The following IL1RAPL2 variants were observed in gnomAD, a reference collection of about 807,000 sequenced individuals.
The protein encoded by IL1RAPL2 is X-linked interleukin-1 receptor accessory protein-like 2.
Under a neutral mutation model 44.1 loss-of-function variants are expected in IL1RAPL2, and 3 were observed. The ratio of observed to expected loss-of-function variants is 0.07; its 90% CI spans 0.03 to 0.18. The LOEUF (loss-of-function observed/expected upper bound fraction) is 0.18. Among genes scored for constraint, IL1RAPL2 ranks in the 10% least tolerant of loss-of-function variants. The pLI, the probability that IL1RAPL2 is intolerant of heterozygous loss-of-function variation, is 1.00. For synonymous variants in IL1RAPL2, 181 were observed against 178.8 expected (o/e 1.01, Z -0.10); for missense variants, 391 against 496.4 (o/e 0.79, Z 2.02).
intron 5 of IL1RAPL2, among the ~76,000 whole-genome samples, chrX:105,322,707 T>C (rs1057139695): frequency 1.8e-5 from 2 of 112,004 alleles, no homozygotes; most frequent in African/African-American, 6.5e-5. Flanking sequence ...TTTCGCCTCA[T>C]TGGGTCAGGC....
intron 2 of IL1RAPL2, among the ~76,000 whole-genome samples, chrX:104,829,565 T>C (rs1921553120): frequency 8.9e-6 from 1 of 112,543 alleles, no homozygotes; most frequent in Non-Finnish European, 1.9e-5. Flanking sequence ...GCCAGAGCTG[T>C]TCGTATTCGG....
chrX:104,589,615 A>G (rs1928626110), intron 1 of IL1RAPL2, among the ~76,000 whole-genome samples: 1 of 112,237 alleles, frequency 8.9e-6, no homozygotes, highest in African/African-American at 3.2e-5. Context: ...TTAATTATAT[A>G]TTTTTGCGAC....
intron 1 of IL1RAPL2, among the ~76,000 whole-genome samples, chrX:104,646,855 A>G (rs987915602): frequency 4.5e-5 from 5 of 111,736 alleles, no homozygotes; most frequent in African/African-American, 6.5e-5. Context: ...CATCAATCAC[A>G]ATGGGGCCAG....
intron 5 of IL1RAPL2, among the ~76,000 whole-genome samples, chrX:105,432,347 CA>C (rs1009562031): frequency 1.8e-5 from 2 of 108,767 alleles, no homozygotes; most frequent in African/African-American, 3.3e-5. Flanking sequence ...GTCTTGGGTC[CA>C]AAAAATGACT....
At chrX:105,562,383 A>C (rs2036944547) in intron 6 of IL1RAPL2, among the ~76,000 whole-genome samples, 1 of 110,892 alleles carries the variant, frequency 9.0e-6, no homozygotes, top group African/African-American at 3.3e-5. Context: ...TGTTCTCACC[A>C]CAGGGAAATG....
intron 6 of IL1RAPL2, among the ~76,000 whole-genome samples, chrX:105,497,552 A>G (rs2036364456): frequency 8.9e-6 from 1 of 111,938 alleles, no homozygotes; most frequent in South Asian, 3.7e-4. Context: ...CAGAAAATTG[A>G]CGAGGAGGGA....
At chrX:105,638,263 CT>C (rs1222603749) in intron 6 of IL1RAPL2, among the ~76,000 whole-genome samples, 2 of 109,459 alleles carry the variant, frequency 1.8e-5, no homozygotes, top group South Asian at 3.9e-4. Flanking sequence ...TTCTTCTTTT[CT>C]TTTTTTTTCT....
chrX:104,889,049 C>T (rs1227267739), intron 2 of IL1RAPL2, among the ~76,000 whole-genome samples: 2 of 111,399 alleles, frequency 1.8e-5, no homozygotes, highest in African/African-American at 3.3e-5. Context: ...CACCCCACAA[C>T]TTCAAGCCCC....
Position 105,316,329 on chromosome X carries a change from A to G in IL1RAPL2, c.697+48788A>G, listed in dbSNP as rs2147684595. On this transcript the variant is annotated intron_variant, in intron 5 of 10. Transcript: ENST00000372582. ...AATATAGCTGGTGATGGGCCATTAT[A>G]AAAAAATCTGCTTGCTAATCAATGA... is the stretch of plus-strand genomic sequence containing the variant. 1.8e-5 allele frequency among the ~76,000 whole-genome samples: 2 copies of G among 111,958 alleles called. 1 individual carries two copies. Among genetic ancestry groups the G allele is most frequent in the South Asian group, 7.5e-4 (2 of 2,676 alleles).
chrX:105,086,710 G>A (rs1403993742), intron 2 of IL1RAPL2, among the ~76,000 whole-genome samples: 1 of 109,415 alleles, frequency 9.1e-6, no homozygotes, highest in African/African-American at 3.3e-5. Flanking sequence ...ATATATGTGT[G>A]TGTGTGTGTG....
At position 104,853,685 on chromosome X, in the gene IL1RAPL2, C is replaced by T. The variant is rs1037181384; in HGVS notation, c.82+194690C>T. On this transcript the variant is annotated intron_variant, in intron 2 of 10. Coordinates refer to ENST00000372582, the MANE Select transcript of IL1RAPL2 (RefSeq NM_017416.2). Reference sequence around the variant, plus strand: ...TTGGGAGGCCGAGGCGGGCGGATCACGAGGTCAGGAGATCGAGACCATCCT... The same window carrying T: ...TTGGGAGGCCGAGGCGGGCGGATCATGAGGTCAGGAGATCGAGACCATCCT... 6.9e-4 allele frequency among the ~76,000 whole-genome samples: 75 copies of T among 109,086 alleles called. 1 individual carries two copies. The highest frequency in any genetic ancestry group is 2.0e-3 in the African/African-American group (59 of 30,026). The allele number at this position is 109,086 out of a possible 115,157, so 94.7% of individuals were successfully genotyped here.
intron 2 of IL1RAPL2, among the ~76,000 whole-genome samples, chrX:104,751,520 C>A (rs1932259185): frequency 9.0e-6 from 1 of 111,198 alleles, no homozygotes; most frequent in African/African-American, 3.3e-5. Context: ...AAGAAGTCCA[C>A]ATGGCAGACT....
At chrX:105,365,349 G>T (rs2035285975) in intron 5 of IL1RAPL2, among the ~76,000 whole-genome samples, 1 of 111,356 alleles carries the variant, frequency 9.0e-6, no homozygotes, top group Non-Finnish European at 1.9e-5. Context: ...AGGAATATTG[G>T]CCTGTAGTTT....
intron 2 of IL1RAPL2, among the ~76,000 whole-genome samples, chrX:105,100,019 A>G (rs1454416383): frequency 9.0e-6 from 1 of 111,554 alleles, no homozygotes; most frequent in African/African-American, 3.3e-5. Flanking sequence ...TTCATGGTAC[A>G]GTACAATAAG....
intron 2 of IL1RAPL2, among the ~76,000 whole-genome samples, chrX:104,868,780 A>G (rs1421548841): frequency 8.9e-6 from 1 of 112,007 alleles, no homozygotes; most frequent in African/African-American, 3.2e-5. Flanking sequence ...TGCCAAATAC[A>G]CAAGTCAACC....
At chrX:104,597,887 A>G (rs945877195) in intron 1 of IL1RAPL2, among the ~76,000 whole-genome samples, 1 of 111,985 alleles carries the variant, frequency 8.9e-6, no homozygotes, top group Non-Finnish European at 1.9e-5. Flanking sequence ...CAAATGAGAA[A>G]TGCATGGAGT....
chrX:105,633,355 A>G (rs902299139), intron 6 of IL1RAPL2, among the ~76,000 whole-genome samples: 8 of 111,828 alleles, frequency 7.2e-5, no homozygotes, highest in African/African-American at 2.3e-4. Flanking sequence ...TTTTTTCCCA[A>G]GGGAGATACA....
At chrX:105,548,577 T>G (rs964005643) in intron 6 of IL1RAPL2, among the ~76,000 whole-genome samples, 2 of 111,897 alleles carry the variant, frequency 1.8e-5, no homozygotes, top group Admixed American at 1.9e-4. Context: ...TTCTGGAGTT[T>G]TGTCATTTTA....
chrX:104,904,616 T>C (rs1569338737), intron 2 of IL1RAPL2, among the ~76,000 whole-genome samples: 1 of 109,969 alleles, frequency 9.1e-6, no homozygotes, highest in Non-Finnish European at 1.9e-5. Flanking sequence ...TCCATGTCCC[T>C]ACAAAGGACA....
Sources: gnomAD v4.1 joint callset for allele counts (sites outside exome capture counted in the v4.1 genomes callset) on GRCh38, gnomAD v4.1.1 for gene constraint, MANE v1.5 for transcripts, NCBI Gene and HGNC (gene_info 2026-07-23, HGNC 2026-07-21) for gene names.